Variants in CUL3 observed in about 807,000 individuals in gnomAD.
CUL3 encodes cullin-3.
A neutral mutation model predicts 89.1 loss-of-function variants in CUL3; 19 were observed. The observed-to-expected ratio is 0.21, with a 90% CI of 0.15 to 0.31. The LOEUF (loss-of-function observed/expected upper bound fraction) is 0.31, where lower values mean the gene tolerates loss of function less well. CUL3 is among the 10% of genes least tolerant of loss of function. The pLI, the probability that CUL3 is intolerant of heterozygous loss-of-function variation, is 1.00. For synonymous variants in CUL3, 351 were observed against 308.4 expected (o/e 1.14, Z -1.45); for missense variants, 469 against 942.3 (o/e 0.50, Z 6.58).
At chr2:224,569,351 A>G (rs1054505501) in intron 1 of CUL3, among the ~76,000 whole-genome samples, 2 of 152,212 alleles carry the variant, frequency 1.3e-5, no homozygotes, top group Admixed American at 6.5e-5. Context: ...TTACAAAATG[A>G]TCAGCAAGCA....
At chr2:224,500,632 T>C (rs867194042) in intron 10 of CUL3, 145 bp from the exon 11 acceptor site, 311 of 715,890 alleles carry the variant, frequency 4.3e-4, no homozygotes, top group Middle Eastern at 1.9e-3. Flanking sequence ...CTTTTCTTTT[T>C]TTTTTTTTTT....
At chr2:224,508,506 T>C (rs939107532) in intron 6 of CUL3, among the ~76,000 whole-genome samples, 16 of 152,226 alleles carry the variant, frequency 1.1e-4, no homozygotes, top group African/African-American at 3.6e-4. Context: ...TATGTTGTTG[T>C]AAGTTTTGCT....
intron 1 of CUL3, among the ~76,000 whole-genome samples, chr2:224,574,375 A>C (rs1190323033): frequency 1.3e-5 from 2 of 152,224 alleles, no homozygotes; most frequent in Non-Finnish European, 2.9e-5. Context: ...ATTAGGAGTT[A>C]AGGCAACTAC....
At chr2:224,526,032 A>G (rs188910850) in intron 3 of CUL3, among the ~76,000 whole-genome samples, 26 of 152,314 alleles carry the variant, frequency 1.7e-4, no homozygotes, top group South Asian at 4.1e-4. Context: ...CTCTTCCAGG[A>G]GAGAGTTCGT....
chr2:224,564,492 TC>T (rs1431877021), intron 1 of CUL3, among the ~76,000 whole-genome samples: 1 of 152,246 alleles, frequency 6.6e-6, no homozygotes, highest in African/African-American at 2.4e-5. Context: ...ACATTCATGT[TC>T]TTTTATTACA....
At chr2:224,507,826 GT>G (rs1692657759) in intron 6 of CUL3, among the ~76,000 whole-genome samples, 1 of 152,144 alleles carries the variant, frequency 6.6e-6, no homozygotes, top group African/African-American at 2.4e-5. Context: ...GGAGAACACA[GT>G]GTCAGAACTT....
At chr2:224,479,636 GT>G (rs539351377) in intron 14 of CUL3, 1 of 152,126 alleles carries the variant, frequency 6.6e-6, no homozygotes, top group African/African-American at 2.4e-5. Flanking sequence ...GTGTGCTAAA[GT>G]TTTTTAGGGG....
At position 224,470,744 on chromosome 2, in the gene CUL3, G is replaced by A. The variant is rs139247052; in HGVS notation, c.*3501C>T. 2.2e-5 allele frequency: 5 copies of A among 231,598 alleles called. No individual in the cohort carries two copies. The highest frequency in any genetic ancestry group is 4.3e-5 in the Non-Finnish European group (5 of 117,056). 14.3% of individuals were successfully genotyped at this position (231,598 alleles called of 1,614,324 possible). ...TCCTTCCTACCAAAAGTTGGTATCAGCAAATAATGTAAAGCTAACAAAAAT... is the reference window on the plus strand; with the variant it reads ...TCCTTCCTACCAAAAGTTGGTATCAACAAATAATGTAAAGCTAACAAAAAT... On this transcript the variant is annotated 3_prime_UTR_variant, in exon 16 of 16. Transcript: ENST00000264414.
chr2:224,471,751 G>A lies in CUL3; in HGVS notation c.*2494C>T, dbSNP rs954491699. On this transcript the variant is annotated 3_prime_UTR_variant, in exon 16 of 16. Coordinates refer to ENST00000264414, the MANE Select transcript of CUL3 (RefSeq NM_003590.5). ...TTTTCAGTCTTTAAATAATGTTAAC[G>A]ATTCAAAATAAACACTGTCCTGGAC... is the stretch of plus-strand genomic sequence containing the variant. 1.3e-5 allele frequency: 3 copies of A among 224,812 alleles called. No homozygotes were observed. Among genetic ancestry groups the A allele is most frequent in the Non-Finnish European group, 2.7e-5 (3 of 112,958 alleles). 13.9% of individuals were successfully genotyped at this position (224,812 alleles called of 1,614,324 possible). A position where few individuals can be genotyped will look rare whatever the true frequency, so the allele number is the denominator to read the frequency against.
chr2:224,511,265 G>C (rs1481238269), intron 6 of CUL3, 89 bp downstream of exon 6: 1 of 905,604 alleles, frequency 1.1e-6, no homozygotes, highest in African/African-American at 1.7e-5. Context: ...CTTGAAAGCT[G>C]ATATTATCTG....
intron 13 of CUL3, among the ~76,000 whole-genome samples, chr2:224,491,325 A>C (rs956959837): frequency 6.6e-6 from 1 of 152,160 alleles, no homozygotes; most frequent in African/African-American, 2.4e-5. Context: ...CCCTGTCTAC[A>C]CAGTTCTTGT....
At chr2:224,584,456 G>T (rs2934620) in intron 1 of CUL3, among the ~76,000 whole-genome samples, 149 of 152,254 alleles carry the variant, frequency 9.8e-4, no homozygotes, top group African/African-American at 3.4e-3. Context: ...TGATGGCATA[G>T]ACCTTCCTGG....
At chr2:224,492,525 T>A (rs2172658) in intron 13 of CUL3, among the ~76,000 whole-genome samples, 1 of 152,182 alleles carries the variant, frequency 6.6e-6, no homozygotes, top group Non-Finnish European at 1.5e-5. Context: ...TTCTTATCCA[T>A]ACCTCTTTCA....
rs1347743096 is a variant in CUL3 at position 224,550,904 on chromosome 2, A to G, written c.264+6755T>C. 3.3e-5 allele frequency among the ~76,000 whole-genome samples: 5 copies of G among 152,062 alleles called. No individual in the cohort carries two copies. The East Asian group carries it at 7.7e-4, about 23-fold the overall frequency. ...CCTAACGTACATATAATTAATTACA[A>G]AGCCTTCTGCCATGGCTTCAAGGTC... On this transcript the variant is annotated intron_variant, in intron 2 of 15. Transcript: ENST00000264414.
rs779827356 is a variant in CUL3 at position 224,503,800 on chromosome 2, G to A, written c.1229C>T (p.Thr410Ile). 5.0e-5 allele frequency: 78 copies of A among 1,567,996 alleles called. No individual in the cohort carries two copies. The highest frequency in any genetic ancestry group is 6.5e-5 in the Non-Finnish European group (75 of 1,162,770). The change falls in exon 9 of 16, where the codon ACA becomes ATA. Residue 410 changes from threonine (T) to isoleucine (I), a missense_variant. Thr to Ile is a moderately conservative substitution (Grantham distance 89). This residue lies in a region of CUL3 where 370 missense variants were observed against 733.2 expected (regional missense o/e 0.50). Transcript: ENST00000264414. ...AAGGACCATTGCTTTATCCAATATT[G>A]TTTCTACTTCTTGTTCTGTTAGCTG... ...VKGLTEQEVE[T>I]ILDKAMVLFR...
At chr2:224,500,275 C>T (rs1441378317) in intron 11 of CUL3, 88 bp downstream of exon 11, 4 of 1,446,578 alleles carry the variant, frequency 2.8e-6, no homozygotes, top group East Asian at 2.3e-5. Flanking sequence ...ATACATTCAT[C>T]CTCAATTACG....
At chr2:224,517,924 T>G (rs759711873) in intron 3 of CUL3, among the ~76,000 whole-genome samples, 1 of 152,186 alleles carries the variant, frequency 6.6e-6, no homozygotes, top group East Asian at 1.9e-4. Context: ...ATAAAAAATT[T>G]TATTTTTTTC....
intron 3 of CUL3, among the ~76,000 whole-genome samples, chr2:224,520,306 A>G (rs1693215240): frequency 6.6e-6 from 1 of 152,232 alleles, no homozygotes; most frequent in Non-Finnish European, 1.5e-5. Flanking sequence ...TTCACAAGCT[A>G]GGTGGACCTG....
At chr2:224,583,972 C>T (rs1049449456) in intron 1 of CUL3, among the ~76,000 whole-genome samples, 2 of 152,182 alleles carry the variant, frequency 1.3e-5, no homozygotes, top group Non-Finnish European at 2.9e-5. Flanking sequence ...GCTAGTTCGT[C>T]TGTCTTGACG....
Sources: gnomAD v4.1 joint callset for allele counts (sites outside exome capture counted in the v4.1 genomes callset) on GRCh38, gnomAD v4.1.1 for gene constraint, gnomAD v4.1.1 regional missense constraint, MANE v1.5 for transcripts, NCBI Gene and HGNC (gene_info 2026-07-23, HGNC 2026-07-21) for gene names.